STPG2: variants seen among roughly 807,000 people sequenced by gnomAD.
STPG2 encodes sperm-tail PG-rich repeat-containing protein 2.
STPG2 carries 56 observed loss-of-function variants against 54.2 expected under a neutral mutation model. The observed-to-expected ratio is 1.03, with a 90% CI of 0.83 to 1.29. STPG2 has a LOEUF of 1.29. Among genes scored for constraint, STPG2 ranks in the 50% most tolerant of loss-of-function variants. STPG2 has a pLI of 0.00. For missense variants in STPG2, 596 were observed against 544.9 expected (o/e 1.09, Z -0.93); for synonymous variants, 200 against 181.8 (o/e 1.10, Z -0.81).
At chr4:97,710,315 G>C (rs1724073073) in intron 10 of STPG2, among the ~76,000 whole-genome samples, 1 of 151,936 alleles carries the variant, frequency 6.6e-6, no homozygotes, top group South Asian at 2.1e-4. Context: ...CAAAAATGGA[G>C]AGAGAACTAA....
At chr4:97,838,268 G>A (rs1001047664) in intron 9 of STPG2, among the ~76,000 whole-genome samples, 10 of 151,192 alleles carry the variant, frequency 6.6e-5, no homozygotes, top group African/African-American at 2.4e-4. Flanking sequence ...TTGTTACTAA[G>A]AACATTATGA....
intron 8 of STPG2, among the ~76,000 whole-genome samples, chr4:97,867,149 A>C (rs1164154527): frequency 5.9e-5 from 9 of 152,062 alleles, no homozygotes; most frequent in South Asian, 2.1e-4. Flanking sequence ...ATGCTGTAAT[A>C]AACTTTCTGT....
chr4:98,040,405 C>T (rs941726952), intron 5 of STPG2, among the ~76,000 whole-genome samples: 3 of 151,756 alleles, frequency 2.0e-5, no homozygotes, highest in Non-Finnish European at 4.4e-5. Context: ...GGCCAATGTC[C>T]GGAAAAATTT....
At chr4:98,014,706 T>A (rs929325637) in intron 5 of STPG2, among the ~76,000 whole-genome samples, 2 of 152,198 alleles carry the variant, frequency 1.3e-5, no homozygotes, top group African/African-American at 4.8e-5. Flanking sequence ...ATAGTCAATG[T>A]TATACTTTCA....
intron 4 of STPG2, among the ~76,000 whole-genome samples, chr4:97,478,355 TAG>T (rs1449033169): frequency 1.3e-5 from 2 of 152,184 alleles, no homozygotes; most frequent in African/African-American, 4.8e-5. Flanking sequence ...ATGTAGGGCT[TAG>T]GAGTAAATTA....
chr4:97,676,052 T>C (rs1450245925), intron 10 of STPG2, among the ~76,000 whole-genome samples: 1 of 145,410 alleles, frequency 6.9e-6, no homozygotes, highest in East Asian at 2.0e-4. Flanking sequence ...ATTACTAAAA[T>C]ATATATACTA....
chr4:97,497,521 C>T (rs1054211637), intron 4 of STPG2, among the ~76,000 whole-genome samples: 1 of 151,816 alleles, frequency 6.6e-6, no homozygotes, highest in Non-Finnish European at 1.5e-5. Context: ...GAAAGTTATA[C>T]TTCTGTTATT....
chr4:97,550,719 C>T (rs930589866), intron 4 of STPG2, among the ~76,000 whole-genome samples: 4 of 152,004 alleles, frequency 2.6e-5, no homozygotes, highest in African/African-American at 9.7e-5. Flanking sequence ...AGAGTTTGTT[C>T]CTTCAGATGT....
At chr4:97,487,123 A>G (rs1347786005) in intron 4 of STPG2, among the ~76,000 whole-genome samples, 1 of 151,172 alleles carries the variant, frequency 6.6e-6, no homozygotes, top group Non-Finnish European at 1.5e-5. Context: ...GGAGGGACAA[A>G]AGACTACAAA....
intron 10 of STPG2, among the ~76,000 whole-genome samples, chr4:97,630,224 G>A (rs1219351516): frequency 6.6e-6 from 1 of 151,822 alleles, no homozygotes; most frequent in African/African-American, 2.4e-5. Context: ...AAAGATGAAA[G>A]TCCAAGGGCT....
At chr4:97,558,114 T>C (rs1300221667), downstream of STPG2, among the ~76,000 whole-genome samples, 1 of 152,198 alleles carries the variant, frequency 6.6e-6, no homozygotes, top group East Asian at 1.9e-4. Flanking sequence ...TATACTCTCA[T>C]ACATACCCTT....
At chr4:97,865,868 A>T (rs187507486) in intron 8 of STPG2, among the ~76,000 whole-genome samples, 304 of 151,924 alleles carry the variant, frequency 2.0e-3, no homozygotes, top group African/African-American at 7.2e-3. Flanking sequence ...ATATATATTT[A>T]AAAAAGAAAA....
intron 9 of STPG2, among the ~76,000 whole-genome samples, chr4:97,740,918 G>T (rs4550928): frequency 1.3e-5 from 2 of 152,108 alleles, no homozygotes; most frequent in South Asian, 4.1e-4. Flanking sequence ...CAATCTTAAG[G>T]CAAAAGAACA....
chr4:97,634,937 T>A (rs976572980), intron 10 of STPG2, among the ~76,000 whole-genome samples: 1 of 151,646 alleles, frequency 6.6e-6, no homozygotes, highest in Admixed American at 6.6e-5. Flanking sequence ...TCCAGGAGAA[T>A]TTCCCCAATC....
At chr4:97,521,524 T>A (rs1731180641) in intron 4 of STPG2, among the ~76,000 whole-genome samples, 1 of 152,170 alleles carries the variant, frequency 6.6e-6, no homozygotes, top group East Asian at 1.9e-4. Context: ...CTCAGAAATG[T>A]ACTTTAGACA....
In STPG2 at chr4:97,965,072, T is replaced by G. The variant is rs1237409057; in HGVS notation, c.933+7208A>C. Among the ~76,000 whole-genome samples, 4 of 152,318 alleles carry G rather than the reference T, an allele frequency of 2.6e-5. No homozygotes were observed. The East Asian group carries it at 7.7e-4, about 29-fold the overall frequency. On this transcript the variant is annotated intron_variant, in intron 7 of 10. Transcript: ENST00000295268. Reference sequence around the variant, plus strand: ...CCAGGAAGCGCAAGAGGTTGAGGGATTTCCCTTTCCTAGCCAAGGGAAGCC... The same window carrying G: ...CCAGGAAGCGCAAGAGGTTGAGGGAGTTCCCTTTCCTAGCCAAGGGAAGCC...
intron 7 of STPG2, among the ~76,000 whole-genome samples, chr4:97,957,032 A>T (rs933372929): frequency 6.6e-6 from 1 of 152,080 alleles, no homozygotes; most frequent in South Asian, 2.1e-4. Context: ...CTAATCAAAA[A>T]GGCGTCAGAG....
chr4:97,945,921 T>G (rs1285951374), intron 7 of STPG2, among the ~76,000 whole-genome samples: 1 of 151,954 alleles, frequency 6.6e-6, no homozygotes, highest in Non-Finnish European at 1.5e-5. Flanking sequence ...TAGCTGAGTG[T>G]GGTGGCATAT....
intron 10 of STPG2, among the ~76,000 whole-genome samples, chr4:97,626,633 G>C (rs899830420): frequency 2.0e-5 from 3 of 152,004 alleles, no homozygotes; most frequent in African/African-American, 7.2e-5. Context: ...AATATATGTA[G>C]ATATTTTAAC....
Sources: allele counts gnomAD v4.1 joint callset (sites outside exome capture counted in the v4.1 genomes callset), GRCh38; gene constraint gnomAD v4.1.1; transcripts MANE v1.5; gene names NCBI Gene and HGNC (gene_info 2026-07-23, HGNC 2026-07-21).